Variants in TOR1AIP1 observed in about 807,000 individuals in gnomAD.
The protein encoded by TOR1AIP1 is torsin 1A interacting protein 1, also known as torsin-1A-interacting protein 1.
TOR1AIP1 carries 54 observed loss-of-function variants against 63.3 expected under a neutral mutation model. The ratio of observed to expected loss-of-function variants is 0.85; its 90% CI spans 0.69 to 1.07. TOR1AIP1 has a LOEUF of 1.07. Ranked by LOEUF, TOR1AIP1 falls within the 50% of genes least tolerant of loss-of-function variation. The pLI, the probability that TOR1AIP1 is intolerant of heterozygous loss-of-function variation, is 0.00. For synonymous variants in TOR1AIP1, 294 were observed against 273.5 expected, an observed-to-expected ratio of 1.07 and a Z score of -0.74; for missense variants, 736 against 715.0, an observed-to-expected ratio of 1.03 and a Z score of -0.33.
At chr1:179,889,710 A>G (rs111566355) in intron 3 of TOR1AIP1, among the ~76,000 whole-genome samples, 15 of 150,760 alleles carry the variant, frequency 9.9e-5, no homozygotes, top group African/African-American at 3.7e-4. Flanking sequence ...GCTGGAGTGC[A>G]GTGGCACAAC....
chr1:179,909,762 T>A (rs184769546), intron 8 of TOR1AIP1, among the ~76,000 whole-genome samples: 176 of 151,686 alleles, frequency 1.2e-3, no homozygotes, highest in Non-Finnish European at 2.1e-4. Flanking sequence ...GGTGTTTTGT[T>A]TTGTTTTGGG....
At chr1:179,912,957 G>A (rs1648885701) in intron 8 of TOR1AIP1, among the ~76,000 whole-genome samples, 1 of 152,022 alleles carries the variant, frequency 6.6e-6, no homozygotes, top group Non-Finnish European at 1.5e-5. Flanking sequence ...GCAAGTGATA[G>A]ACGGCAATAC....
intron 6 of TOR1AIP1, among the ~76,000 whole-genome samples, chr1:179,906,883 G>A (rs771704627): frequency 2.0e-5 from 3 of 151,232 alleles, no homozygotes; most frequent in Non-Finnish European, 3.0e-5. Context: ...GACTACAGGC[G>A]CCCACCACCA....
intron 8 of TOR1AIP1, chr1:179,913,460 A>G (rs780294891): frequency 3.8e-5 from 24 of 638,716 alleles, no homozygotes; most frequent in Non-Finnish European, 6.4e-5. Flanking sequence ...GAATCCCCAG[A>G]GGAAATACTG....
At chr1:179,890,975 GTATA>G (rs572462820) in intron 3 of TOR1AIP1, among the ~76,000 whole-genome samples, 6 of 152,076 alleles carry the variant, frequency 3.9e-5, no homozygotes, top group Non-Finnish European at 7.3e-5. Context: ...GAATACAAGA[GTATA>G]TATATCTAGT....
At chr1:179,909,408 GTTTTGTTTT>G (rs1181866796) in intron 8 of TOR1AIP1, among the ~76,000 whole-genome samples, 2 of 150,112 alleles carry the variant, frequency 1.3e-5, no homozygotes, top group Non-Finnish European at 3.0e-5. Context: ...GTTTTGTTTT[GTTTTGTTTT>G]GTTTTGTTTT....
intron 3 of TOR1AIP1, among the ~76,000 whole-genome samples, chr1:179,897,493 C>T (rs542192385): frequency 3.9e-5 from 6 of 151,976 alleles, no homozygotes; most frequent in Middle Eastern, 3.4e-3. Flanking sequence ...ACATACCTAT[C>T]GAAAAAAGGG....
At chr1:179,893,920 T>G (rs1648183231) in intron 3 of TOR1AIP1, among the ~76,000 whole-genome samples, 1 of 152,142 alleles carries the variant, frequency 6.6e-6, no homozygotes, top group South Asian at 2.1e-4. Flanking sequence ...TACTATTTAG[T>G]CCTTTATAAA....
chr1:179,915,910 A>G (rs992168561), intron 9 of TOR1AIP1, among the ~76,000 whole-genome samples: 1 of 152,240 alleles, frequency 6.6e-6, no homozygotes, highest in Non-Finnish European at 1.5e-5. Context: ...TCTTTCAAGT[A>G]AAAAATAGTA....
chr1:179,908,001 T>G, intron 7 of TOR1AIP1, 137 bp downstream of exon 7: 1 of 545,114 alleles, frequency 1.8e-6, no homozygotes, highest in Non-Finnish European at 2.9e-6. Flanking sequence ...CTCCACCTCC[T>G]GGGTTCACGC....
chr1:179,883,156 G>A (rs1476059666), intron 1 of TOR1AIP1, 179 bp downstream of exon 1: 4 of 650,180 alleles, frequency 6.2e-6, no homozygotes, highest in African/African-American at 1.8e-5. Flanking sequence ...CCGCAGCGGG[G>A]AAGGAAGCGC....
intron 1 of TOR1AIP1, chr1:179,883,661 A>C (rs1236847353): frequency 2.2e-6 from 1 of 456,312 alleles, no homozygotes; most frequent in Non-Finnish European, 4.4e-6. Flanking sequence ...CCGTCACTGT[A>C]ACCTCAAGTA....
intron 5 of TOR1AIP1, 39 bp from the exon 6 acceptor site, chr1:179,903,927 T>G: frequency 2.9e-6 from 4 of 1,381,858 alleles, no homozygotes; most frequent in Non-Finnish European, 4.1e-6. Flanking sequence ...AGTCTAAAAG[T>G]TGGATATTAT....
At chr1:179,883,070 C>A in intron 1 of TOR1AIP1, 93 bp downstream of exon 1, 1 of 1,171,192 alleles carries the variant, frequency 8.5e-7, no homozygotes, top group Non-Finnish European at 1.2e-6. Context: ...CGCCTGGGTA[C>A]TAAGTACTGG....
intron 8 of TOR1AIP1, among the ~76,000 whole-genome samples, chr1:179,910,261 A>G (rs1344944832): frequency 6.6e-6 from 1 of 152,162 alleles, no homozygotes; most frequent in African/African-American, 2.4e-5. Flanking sequence ...TACTTTACTC[A>G]TCTAACCACA....
intron 6 of TOR1AIP1, among the ~76,000 whole-genome samples, 184 bp from the exon 7 acceptor site, chr1:179,907,639 A>ATATATATATATATATAT (rs1648689666): frequency 7.7e-6 from 1 of 129,148 alleles, no homozygotes; most frequent in Non-Finnish European, 1.7e-5. Context: ...GTATATATAT[A>ATATATATATATATATAT]GTATATGTAT....
rs140411969 is a variant in TOR1AIP1, at chr1:179,917,078, T to C, written c.965-374T>C. 3.9e-3 allele frequency among the ~76,000 whole-genome samples: 593 copies of C among 152,304 alleles called. 4 individuals carry two copies. The highest frequency in any genetic ancestry group is 0.013 in the African/African-American group (551 of 41,570). On this transcript the variant is annotated intron_variant, in intron 9 of 9. Coordinates refer to ENST00000606911, the MANE Select transcript of TOR1AIP1 (RefSeq NM_015602.4). The stretch of plus-strand genomic sequence containing the variant: ...ATGCTGAGTTACTAAATTAAAAAAA[T>C]ATTTTATAAATTGTATTTTAATAGT...
At chr1:179,901,230 T>C in intron 4 of TOR1AIP1, 72 bp from the exon 5 acceptor site, 2 of 988,570 alleles carry the variant, frequency 2.0e-6, no homozygotes, top group East Asian at 2.7e-5. Flanking sequence ...AATTATTTGC[T>C]TGGTTTTTTT....
intron 4 of TOR1AIP1, 66 bp downstream of exon 4, chr1:179,900,233 C>G: frequency 8.7e-7 from 1 of 1,146,016 alleles, no homozygotes; most frequent in East Asian, 2.7e-5. Flanking sequence ...AGAAGCCATT[C>G]TGATAGATAT....
Sources: allele counts gnomAD v4.1 joint callset (sites outside exome capture counted in the v4.1 genomes callset), GRCh38; gene constraint gnomAD v4.1.1; transcripts MANE v1.5; gene names NCBI Gene and HGNC (gene_info 2026-07-23, HGNC 2026-07-21).